Variants in CLDN16 observed in about 807,000 individuals in gnomAD.
CLDN16 encodes the protein claudin-16.
A neutral mutation model predicts 24.6 loss-of-function variants in CLDN16; 13 were observed. The observed-to-expected ratio is 0.53, with a 90% confidence interval of 0.34 to 0.84. CLDN16 has a LOEUF of 0.84. Ranked by LOEUF, CLDN16 falls within the 40% of genes least tolerant of loss-of-function variation. The probability of loss-of-function intolerance (pLI) is 0.01; values close to 1 mark genes in which losing one functional copy is unlikely to be tolerated. For missense variants in CLDN16, 298 were observed against 292.7 expected (o/e 1.02, Z -0.13); for synonymous variants, 116 against 106.7 (o/e 1.09, Z -0.54).
intron 3 of CLDN16, among the ~76,000 whole-genome samples, chr3:190,405,287 G>C (rs1474688722): frequency 6.6e-6 from 1 of 151,886 alleles, no homozygotes; most frequent in Non-Finnish European, 1.5e-5. Context: ...ATCCAGGCAT[G>C]GTGGTGCACA....
the CLDN16 span, among the ~76,000 whole-genome samples, chr3:190,298,745 C>T: frequency 2.0e-5 from 3 of 152,114 alleles, no homozygotes; most frequent in South Asian, 6.2e-4. Context: ...TTTTTTCACT[C>T]AAAATTGTTT....
chr3:190,370,492 TAG>T (rs1718115521), intron 1 of CLDN16, among the ~76,000 whole-genome samples: 1 of 151,946 alleles, frequency 6.6e-6, no homozygotes, highest in Non-Finnish European at 1.5e-5. Flanking sequence ...TGTAAAAATT[TAG>T]AGTTTCTAAA....
intron 1 of CLDN16, among the ~76,000 whole-genome samples, chr3:190,339,162 A>G (rs547957861): frequency 6.6e-6 from 1 of 152,266 alleles, no homozygotes; most frequent in South Asian, 2.1e-4. Context: ...GCCTAACTCT[A>G]CCCATCCTTC....
chr3:190,313,119 G>T, the CLDN16 span: 2 of 1,510,470 alleles, frequency 1.3e-6, no homozygotes, highest in Non-Finnish European at 1.8e-6. Flanking sequence ...ATATGTCACT[G>T]TTGTATGGAA....
intron 1 of CLDN16, among the ~76,000 whole-genome samples, chr3:190,342,706 C>T (rs532423681): frequency 5.3e-5 from 8 of 152,112 alleles, no homozygotes; most frequent in Non-Finnish European, 1.2e-4. Context: ...CAACATGATG[C>T]AATGGGAAAA....
chr3:190,346,780 A>T (rs749011483), intron 1 of CLDN16, among the ~76,000 whole-genome samples: 15 of 152,084 alleles, frequency 9.9e-5, no homozygotes, highest in Admixed American at 2.0e-4. Context: ...TTGCAGATCC[A>T]TCACCCCAGC....
intron 1 of CLDN16, among the ~76,000 whole-genome samples, chr3:190,369,722 T>C (rs1386560744): frequency 6.6e-6 from 1 of 151,998 alleles, no homozygotes; most frequent in Non-Finnish European, 1.5e-5. Flanking sequence ...TTTGTCCTTA[T>C]AATCACTTTC....
chr3:190,335,294 T>A (rs2108625772), intron 1 of CLDN16, among the ~76,000 whole-genome samples: 1 of 152,168 alleles, frequency 6.6e-6, no homozygotes, highest in East Asian at 2.0e-4. Flanking sequence ...TCCTCTCGCC[T>A]CTGCCTCCCA....
At chr3:190,348,709 T>C (rs570283361) in intron 1 of CLDN16, among the ~76,000 whole-genome samples, 2 of 152,324 alleles carry the variant, frequency 1.3e-5, no homozygotes, top group African/African-American at 4.8e-5. Flanking sequence ...GCAGGTCTGT[T>C]ACACAGGTAA....
chr3:190,405,867 C>T (rs1382760370), intron 3 of CLDN16, among the ~76,000 whole-genome samples: 2 of 152,146 alleles, frequency 1.3e-5, no homozygotes, highest in Non-Finnish European at 2.9e-5. Flanking sequence ...ATACTTTATT[C>T]AGGTCTGTCT....
chr3:190,314,971 G>T, the CLDN16 span, among the ~76,000 whole-genome samples: 1,228 of 152,126 alleles, frequency 8.1e-3, 14 homozygotes, highest in African/African-American at 0.028. Flanking sequence ...AACTGAAGCT[G>T]CTTGTAAGGT....
intron 1 of CLDN16, among the ~76,000 whole-genome samples, chr3:190,323,414 A>C (rs1168295676): frequency 1.3e-5 from 2 of 152,028 alleles, no homozygotes; most frequent in African/African-American, 4.8e-5. Context: ...GTGACTGGCT[A>C]TCTCACCCCT....
intron 2 of CLDN16, 38 bp downstream of exon 2, chr3:190,402,477 G>C (rs1370644637): frequency 1.4e-6 from 2 of 1,469,878 alleles, no homozygotes; most frequent in Non-Finnish European, 1.9e-6. Flanking sequence ...GCCAGGAAGG[G>C]AAAGGGACAG....
chr3:190,409,219 C>T (rs749196002), intron 4 of CLDN16, among the ~76,000 whole-genome samples: 13 of 151,104 alleles, frequency 8.6e-5, no homozygotes, highest in Admixed American at 1.3e-4. Flanking sequence ...TATGCACACA[C>T]GTATATGCAT....
the CLDN16 span, among the ~76,000 whole-genome samples, chr3:190,299,188 T>G: frequency 6.6e-6 from 1 of 152,198 alleles, no homozygotes; most frequent in African/African-American, 2.4e-5. Context: ...ATTATTAAAG[T>G]TATTAATAAG....
upstream of CLDN16, among the ~76,000 whole-genome samples, chr3:190,318,195 G>A (rs143391729): frequency 9.2e-5 from 14 of 152,270 alleles, no homozygotes; most frequent in African/African-American, 3.1e-4. Context: ...AATGATCCTG[G>A]ATGAGGCAGG....
the CLDN16 span, among the ~76,000 whole-genome samples, chr3:190,303,128 A>T: frequency 6.6e-6 from 1 of 152,346 alleles, no homozygotes; most frequent in East Asian, 1.9e-4. Flanking sequence ...GTAAAAAATT[A>T]TCACAAAAAA....
At chr3:190,399,302 G>A (rs1172770534) in intron 1 of CLDN16, among the ~76,000 whole-genome samples, 2 of 152,034 alleles carry the variant, frequency 1.3e-5, no homozygotes, top group Non-Finnish European at 1.5e-5. Flanking sequence ...TCAGGAGTTC[G>A]AGATCAGCCT....
At chr3:190,380,792 T>C (rs1157222457) in intron 3 of CLDN16, among the ~76,000 whole-genome samples, 1 of 151,846 alleles carries the variant, frequency 6.6e-6, no homozygotes, top group Non-Finnish European at 1.5e-5. Context: ...AATAAATAAA[T>C]AAAAATAAAT....
Sources: allele counts gnomAD v4.1 joint callset (sites outside exome capture counted in the v4.1 genomes callset), GRCh38; gene constraint gnomAD v4.1.1; transcripts MANE v1.5; gene names NCBI Gene and HGNC (gene_info 2026-07-23, HGNC 2026-07-21).